The following HS2ST1 variants were observed in gnomAD, a reference collection of about 807,000 sequenced individuals.
HS2ST1 encodes the protein 2-O-sulfotransferase.
In HS2ST1, 18 loss-of-function variants were observed where a neutral mutation model predicts 42.9. That is an observed-to-expected ratio of 0.42 (90% CI 0.29 to 0.62). The LOEUF is 0.62. Among genes scored for constraint, HS2ST1 ranks in the 20% least tolerant of loss-of-function variants. The probability of loss-of-function intolerance (pLI) is 0.21; values close to 1 mark genes in which losing one functional copy is unlikely to be tolerated. For synonymous variants in HS2ST1, 146 were observed against 152.9 expected (o/e 0.95, Z 0.33); for missense variants, 334 against 433.8 (o/e 0.77, Z 2.04).
intron 1 of HS2ST1, among the ~76,000 whole-genome samples, chr1:86,920,075 GTGATAGAACTA>G (rs1416076540): frequency 6.6e-6 from 1 of 152,190 alleles, no homozygotes; most frequent in Non-Finnish European, 1.5e-5. Context: ...TCTCACATAA[GTGATAGAACTA>G]TGTGCTTGGT....
intron 2 of HS2ST1, 35 bp from the exon 3 acceptor site, chr1:87,084,159 A>G: frequency 7.7e-7 from 1 of 1,297,360 alleles, no homozygotes. Flanking sequence ...CATTTTCTTT[A>G]AATTGTATAT....
In HS2ST1 at chr1:86,922,968, C is replaced by A. The variant is rs533070352; in HGVS notation, c.124+7808C>A. On this transcript the variant is annotated intron_variant, in intron 1 of 6. Coordinates refer to ENST00000370550, the MANE Select transcript of HS2ST1 (RefSeq NM_012262.4). The stretch of plus-strand genomic sequence containing the variant: ...GAACTCAAAATACACTTACATTAGA[C>A]CACATGAAATTGTTCTACAGTTCAG... Among the ~76,000 whole-genome samples, 21 of 152,034 alleles carry A rather than the reference C, an allele frequency of 1.4e-4. No individual in the cohort carries two copies. In the South Asian group the frequency reaches 3.5e-3, roughly 26 times the overall value.
Position 87,065,685 on chromosome 1 carries a change from CATT to C in HS2ST1, c.125-7246_125-7244del, listed in dbSNP as rs144416470. On this transcript the variant is annotated intron_variant, in intron 1 of 6. Coordinates refer to ENST00000370550, the MANE Select transcript of HS2ST1 (RefSeq NM_012262.4). ...TCAAAGGAGTCCATGATCCCAAAATCATTATGAGCCACTAATGTGTAGTGTTGC... is the reference window on the plus strand; with the variant it reads ...TCAAAGGAGTCCATGATCCCAAAATCATGAGCCACTAATGTGTAGTGTTGC... 9.7e-3 allele frequency among the ~76,000 whole-genome samples: 1,470 copies of C among 152,234 alleles called. 21 individuals carry two copies. The highest frequency in any genetic ancestry group is 0.013 in the South Asian group (63 of 4,820).
chr1:86,953,674 G>A (rs1195344207), intron 1 of HS2ST1, among the ~76,000 whole-genome samples: 3 of 152,022 alleles, frequency 2.0e-5, no homozygotes, highest in Admixed American at 6.5e-5. Context: ...CAGGAGAATC[G>A]CTTGAACCTG....
intron 1 of HS2ST1, among the ~76,000 whole-genome samples, chr1:86,963,692 C>A (rs1402988343): frequency 5.3e-5 from 8 of 151,168 alleles, no homozygotes; most frequent in Admixed American, 5.3e-4. Flanking sequence ...ACGGGGGTGA[C>A]AGCCGGGCAG....
At chr1:86,951,357 T>C (rs1017181067) in intron 1 of HS2ST1, among the ~76,000 whole-genome samples, 6 of 152,188 alleles carry the variant, frequency 3.9e-5, no homozygotes, top group African/African-American at 1.4e-4. Context: ...AGAAATATTA[T>C]GGGTTCAATT....
intron 4 of HS2ST1, among the ~76,000 whole-genome samples, chr1:87,096,333 A>G (rs1652065700): frequency 6.6e-6 from 1 of 152,204 alleles, no homozygotes; most frequent in Admixed American, 6.5e-5. Context: ...TTGAAACATC[A>G]TACATTGGTC....
intron 1 of HS2ST1, among the ~76,000 whole-genome samples, chr1:87,059,451 CTA>C (rs1282658282): frequency 6.6e-6 from 1 of 151,960 alleles, no homozygotes; most frequent in Non-Finnish European, 1.5e-5. Context: ...ACAAGATAGA[CTA>C]TGAAAATAGG....
At chr1:87,003,756 C>T (rs1292789542) in intron 1 of HS2ST1, among the ~76,000 whole-genome samples, 1 of 151,966 alleles carries the variant, frequency 6.6e-6, no homozygotes, top group East Asian at 1.9e-4. Context: ...GTATAACAAC[C>T]ATTTACATAA....
At chr1:86,957,251 TATTTA>T (rs1442092870) in intron 1 of HS2ST1, among the ~76,000 whole-genome samples, 3 of 152,244 alleles carry the variant, frequency 2.0e-5, no homozygotes, top group Non-Finnish European at 2.9e-5. Flanking sequence ...TTACATGAAT[TATTTA>T]ATTTGACAAT....
chr1:87,060,346 G>C (rs1336822356), intron 1 of HS2ST1, among the ~76,000 whole-genome samples: 1 of 152,100 alleles, frequency 6.6e-6, no homozygotes, highest in Non-Finnish European at 1.5e-5. Flanking sequence ...AAAAAAGGTA[G>C]TTCTATAATA....
intron 1 of HS2ST1, among the ~76,000 whole-genome samples, chr1:86,949,735 A>G (rs925906676): frequency 1.3e-5 from 2 of 152,206 alleles, no homozygotes; most frequent in African/African-American, 4.8e-5. Context: ...TCGATGGTGC[A>G]GAACATTTTC....
At chr1:87,087,001 A>G (rs180809733) in intron 3 of HS2ST1, among the ~76,000 whole-genome samples, 1 of 152,238 alleles carries the variant, frequency 6.6e-6, no homozygotes, top group Admixed American at 6.5e-5. Flanking sequence ...TATGCAGGAA[A>G]TATAAAGTTG....
chr1:87,104,863 T>G lies in HS2ST1; in HGVS notation c.*167T>G. 1 of 556,782 alleles carries G rather than the reference T, an allele frequency of 1.8e-6. No homozygotes were observed. Among genetic ancestry groups the G allele is most frequent in the Admixed American group, 3.3e-5 (1 of 30,356 alleles). 34.5% of individuals were successfully genotyped at this position (556,782 alleles called of 1,614,324 possible). A position where few individuals can be genotyped will look rare whatever the true frequency, so the allele number is the denominator to read the frequency against. On this transcript the variant is annotated 3_prime_UTR_variant, in exon 7 of 7. Transcript: ENST00000370550. ...CAAGGAAGTAGATACTGGCTGGCAT[T>G]GTCAGTGTTCTAAGTTTCAGGCATT...
At chr1:86,951,258 G>C (rs895210520) in intron 1 of HS2ST1, among the ~76,000 whole-genome samples, 2 of 152,192 alleles carry the variant, frequency 1.3e-5, no homozygotes, top group African/African-American at 4.8e-5. Flanking sequence ...ACTGTAGGTA[G>C]ACTCAATTGG....
At chr1:86,927,841 G>GTAGT (rs1660453032) in intron 1 of HS2ST1, among the ~76,000 whole-genome samples, 1 of 152,126 alleles carries the variant, frequency 6.6e-6, no homozygotes, top group Non-Finnish European at 1.5e-5. Flanking sequence ...CTTCTGCTAT[G>GTAGT]TAGTCCCTGT....
intron 1 of HS2ST1, among the ~76,000 whole-genome samples, chr1:86,948,187 A>G (rs1647393086): frequency 6.6e-6 from 1 of 152,182 alleles, no homozygotes; most frequent in Non-Finnish European, 1.5e-5. Context: ...GAAACATCTC[A>G]CTATATATCT....
At chr1:87,013,640 C>T (rs184691398) in intron 1 of HS2ST1, among the ~76,000 whole-genome samples, 5 of 152,356 alleles carry the variant, frequency 3.3e-5, no homozygotes, top group African/African-American at 1.2e-4. Flanking sequence ...TGAATTTCTC[C>T]TCAGGAAATG....
intron 1 of HS2ST1, among the ~76,000 whole-genome samples, chr1:87,049,215 C>A (rs1053243096): frequency 2.6e-5 from 4 of 151,680 alleles, no homozygotes; most frequent in Admixed American, 2.6e-4. Context: ...TTATAATATT[C>A]TTTTATTGTC....
Sources: allele counts gnomAD v4.1 joint callset (sites outside exome capture counted in the v4.1 genomes callset), GRCh38; gene constraint gnomAD v4.1.1; transcripts MANE v1.5; gene names NCBI Gene and HGNC (gene_info 2026-07-23, HGNC 2026-07-21).